The following ASTN1 variants were observed in gnomAD, a reference collection of about 807,000 sequenced individuals.
ASTN1 encodes the protein astrotactin 1, also known as astrotactin-1.
A neutral mutation model predicts 140.7 loss-of-function variants in ASTN1; 41 were observed. The ratio of observed to expected loss-of-function variants is 0.29; its 90% CI spans 0.23 to 0.38. The LOEUF is 0.38. Among genes scored for constraint, ASTN1 ranks in the 10% least tolerant of loss-of-function variants. The pLI is 1.00. For synonymous variants in ASTN1, 640 were observed against 652.2 expected, an observed-to-expected ratio of 0.98 and a Z score of 0.29; for missense variants, 1,479 against 1,678.8, an observed-to-expected ratio of 0.88 and a Z score of 2.08.
intron 1 of ASTN1, among the ~76,000 whole-genome samples, chr1:177,107,293 T>A (rs989882721): frequency 6.6e-6 from 1 of 152,060 alleles, no homozygotes; most frequent in African/African-American, 2.4e-5. Context: ...AATAATACAA[T>A]ACACTCCATT....
intron 1 of ASTN1, among the ~76,000 whole-genome samples, chr1:177,097,389 G>A (rs913468694): frequency 4.6e-5 from 7 of 152,168 alleles, no homozygotes; most frequent in Middle Eastern, 3.4e-3. Context: ...CCTGGGTCTC[G>A]GGTTAGAACC....
intron 11 of ASTN1, among the ~76,000 whole-genome samples, chr1:176,952,500 A>T (rs1021342136): frequency 6.6e-6 from 1 of 152,170 alleles, no homozygotes; most frequent in Non-Finnish European, 1.5e-5. Flanking sequence ...CCAGAAAAAA[A>T]AAAGGCTAAA....
At position 177,161,213 on chromosome 1, in the gene ASTN1, G is replaced by A. The variant is rs114613145; in HGVS notation, c.283+3181C>T. On this transcript the variant is annotated intron_variant, in intron 1 of 22. Coordinates refer to ENST00000361833, the MANE Select transcript of ASTN1 (RefSeq NM_004319.3). The stretch of plus-strand genomic sequence containing the variant: ...TCAGCCCTTTCTGCCTAGTTTTGAA[G>A]TGGAGAGCCACATGCCACTCTACAG... 3.3e-3 allele frequency among the ~76,000 whole-genome samples: 504 copies of A among 152,258 alleles called. 3 individuals carry two copies. Among genetic ancestry groups the A allele is most frequent in the African/African-American group, 0.012 (481 of 41,562 alleles).
chr1:176,974,556 T>C (rs572415766), intron 8 of ASTN1, among the ~76,000 whole-genome samples: 40 of 152,042 alleles, frequency 2.6e-4, no homozygotes, highest in Non-Finnish European at 5.0e-4. Context: ...CGGCTAATTT[T>C]TGTACTTTTT....
chr1:176,970,734 GTGT>G (rs1673110292), intron 8 of ASTN1, among the ~76,000 whole-genome samples: 1 of 145,276 alleles, frequency 6.9e-6, no homozygotes, highest in African/African-American at 2.7e-5. Flanking sequence ...GGGTATGGGT[GTGT>G]GTGTGTGTGT....
intron 8 of ASTN1, among the ~76,000 whole-genome samples, chr1:177,009,699 G>A (rs1217847005): frequency 6.6e-6 from 1 of 152,216 alleles, no homozygotes; most frequent in African/African-American, 2.4e-5. Flanking sequence ...GTCATGGTAA[G>A]TGCATTGCCT....
chr1:176,870,597 T>C (rs1017133295), intron 21 of ASTN1, among the ~76,000 whole-genome samples: 2 of 152,194 alleles, frequency 1.3e-5, no homozygotes, highest in Middle Eastern at 3.2e-3. Context: ...CTTAAACCTT[T>C]GGAAACAATT....
At chr1:177,063,857 A>T (rs1187363013) in intron 1 of ASTN1, among the ~76,000 whole-genome samples, 1 of 152,042 alleles carries the variant, frequency 6.6e-6, no homozygotes, top group Non-Finnish European at 1.5e-5. Flanking sequence ...TAAATCACCC[A>T]CAGCAGGGCA....
At chr1:177,075,423 CAAAAAA>C (rs5778926) in intron 1 of ASTN1, among the ~76,000 whole-genome samples, 1 of 145,652 alleles carries the variant, frequency 6.9e-6, no homozygotes. Context: ...TTTCATTCAT[CAAAAAA>C]AAAAAAAAAA....
At chr1:176,905,081 C>G (rs1042165455) in intron 16 of ASTN1, among the ~76,000 whole-genome samples, 6 of 152,232 alleles carry the variant, frequency 3.9e-5, no homozygotes, top group Non-Finnish European at 7.3e-5. Context: ...TAAGATCCAG[C>G]TCCTGCCTCA....
chr1:176,943,742 G>T, intron 14 of ASTN1, 149 bp downstream of exon 14: 1 of 997,956 alleles, frequency 1.0e-6, no homozygotes, highest in Non-Finnish European at 1.4e-6. Context: ...AATCCTACTA[G>T]CATTCAGTTT....
intron 1 of ASTN1, among the ~76,000 whole-genome samples, chr1:177,080,956 T>A (rs1679151441): frequency 6.6e-6 from 1 of 152,204 alleles, no homozygotes; most frequent in African/African-American, 2.4e-5. Flanking sequence ...AATACATGTG[T>A]GCACCCTTCT....
chr1:177,008,769 G>T (rs565123712), intron 8 of ASTN1, among the ~76,000 whole-genome samples: 1 of 152,294 alleles, frequency 6.6e-6, no homozygotes, highest in South Asian at 2.1e-4. Context: ...GAGCTAATGG[G>T]AAGATAATCC....
chr1:176,940,961 TC>T (rs1671689861), intron 14 of ASTN1, among the ~76,000 whole-genome samples: 1 of 152,198 alleles, frequency 6.6e-6, no homozygotes, highest in Admixed American at 6.5e-5. Context: ...GGAGACTCTT[TC>T]CAAACATCTT....
rs1674449840 is a variant in ASTN1, at chr1:176,996,395, A to G, written c.1523+18396T>C. 2.6e-5 allele frequency among the ~76,000 whole-genome samples: 4 copies of G among 152,056 alleles called. No homozygotes were observed. The South Asian group carries it at 8.3e-4, about 32-fold the overall frequency. ...ATTCCTCACAGTAATTATCAAGTATATATCCAGAACTTCCCAGGCAGTTTC... is the reference window on the plus strand; with the variant it reads ...ATTCCTCACAGTAATTATCAAGTATGTATCCAGAACTTCCCAGGCAGTTTC... On this transcript the variant is annotated intron_variant, in intron 8 of 22. Coordinates refer to ENST00000361833, the MANE Select transcript of ASTN1 (RefSeq NM_004319.3).
intron 8 of ASTN1, among the ~76,000 whole-genome samples, chr1:177,001,803 C>T (rs1332386957): frequency 6.6e-6 from 1 of 152,194 alleles, no homozygotes; most frequent in African/African-American, 2.4e-5. Context: ...TACAATGGCT[C>T]ACTGGCATTG....
intron 8 of ASTN1, among the ~76,000 whole-genome samples, chr1:176,978,515 G>A (rs385075): frequency 0.061 from 9,215 of 152,234 alleles, 913 homozygotes; most frequent in African/African-American, 0.21. Flanking sequence ...AGCAGTGGTC[G>A]AGGAAGAGGA....
intron 8 of ASTN1, among the ~76,000 whole-genome samples, chr1:176,973,490 G>C (rs930666709): frequency 1.3e-5 from 2 of 152,184 alleles, no homozygotes; most frequent in African/African-American, 2.4e-5. Flanking sequence ...GATGAATGCA[G>C]TTGGCCACCA....
In ASTN1 at chr1:176,861,588, C is replaced by T. The variant is rs1324113701; in HGVS notation, c.*2696G>A. 1.0e-6 allele frequency: 1 copy of T among 985,466 alleles called. No individual in the cohort carries two copies. Among genetic ancestry groups the T allele is most frequent in the Admixed American group, 6.1e-5 (1 of 16,270 alleles). The allele number at this position is 985,466 out of a possible 1,614,324, so 61.0% of individuals were successfully genotyped here. A position where few individuals can be genotyped will look rare whatever the true frequency, so the allele number is the denominator to read the frequency against. Reference sequence around the variant, plus strand: ...AAAATCCTCCAGTCAATTGTACAACCATCCTAAGATTTTCCCCTGCCCTGT... The same window carrying T: ...AAAATCCTCCAGTCAATTGTACAACTATCCTAAGATTTTCCCCTGCCCTGT... On this transcript the variant is annotated 3_prime_UTR_variant, in exon 23 of 23. Transcript: ENST00000361833.
Sources: allele counts gnomAD v4.1 joint callset (sites outside exome capture counted in the v4.1 genomes callset), GRCh38; gene constraint gnomAD v4.1.1; transcripts MANE v1.5; gene names NCBI Gene and HGNC (gene_info 2026-07-23, HGNC 2026-07-21).